Variants in COL24A1 observed in about 807,000 individuals in gnomAD.
COL24A1 encodes the protein collagen alpha-1(XXIV) chain.
Under a neutral mutation model 253.9 loss-of-function variants are expected in COL24A1, and 224 were observed. The ratio of observed to expected loss-of-function variants is 0.88; its 90% CI spans 0.79 to 0.99. The LOEUF is 0.99. Among genes scored for constraint, COL24A1 ranks in the 50% least tolerant of loss-of-function variants. The pLI, the probability that COL24A1 is intolerant of heterozygous loss-of-function variation, is 0.00. For missense variants in COL24A1, 2,131 were observed against 2,068.5 expected (o/e 1.03, Z -0.59); for synonymous variants, 685 against 673.7 (o/e 1.02, Z -0.26).
intron 10 of COL24A1, among the ~76,000 whole-genome samples, chr1:86,057,442 C>T (rs1166647217): frequency 3.3e-5 from 5 of 152,088 alleles, no homozygotes; most frequent in African/African-American, 4.8e-5. Context: ...ATTTTGCTTC[C>T]TTAGTGAATA....
At chr1:85,758,834 T>C (rs383558) in intron 55 of COL24A1, among the ~76,000 whole-genome samples, 135,359 of 152,076 alleles carry the variant, frequency 0.89, 61,022 homozygotes, top group Non-Finnish European at 0.97. Flanking sequence ...GAGGTAAAAT[T>C]TATATAACAT....
intron 51 of COL24A1, 55 bp from the exon 52 acceptor site, chr1:85,781,328 ACTC>A: frequency 6.7e-6 from 8 of 1,193,704 alleles, no homozygotes; most frequent in African/African-American, 1.5e-5. Flanking sequence ...AAAAAAAAAA[ACTC>A]CACAGAATCT....
At chr1:86,119,096 T>C (rs1451080365) in intron 3 of COL24A1, among the ~76,000 whole-genome samples, 1 of 152,100 alleles carries the variant, frequency 6.6e-6, no homozygotes, top group Admixed American at 6.6e-5. Context: ...GTAAAAGATG[T>C]CAGAGTGAGA....
intron 24 of COL24A1, among the ~76,000 whole-genome samples, chr1:85,943,029 T>C (rs1688898343): frequency 6.6e-6 from 1 of 152,206 alleles, no homozygotes; most frequent in Non-Finnish European, 1.5e-5. Context: ...GGAGAAGATC[T>C]GCCCTCAATG....
At chr1:86,154,319 T>G (rs961582398) in intron 1 of COL24A1, 4 of 152,248 alleles carry the variant, frequency 2.6e-5, no homozygotes, top group African/African-American at 9.7e-5. Context: ...TCTGATGTAA[T>G]TATGAATTAC....
chr1:85,760,361 G>A (rs779954667), intron 55 of COL24A1, among the ~76,000 whole-genome samples: 35 of 152,220 alleles, frequency 2.3e-4, no homozygotes, highest in Admixed American at 5.9e-4. Context: ...CATTCTTATT[G>A]ATGTCCACAC....
intron 19 of COL24A1, 114 bp from the exon 20 acceptor site, chr1:85,987,768 T>C: frequency 1.3e-6 from 1 of 791,536 alleles, no homozygotes; most frequent in Non-Finnish European, 2.0e-6. Flanking sequence ...TTTATAATCC[T>C]CAAAAATTCA....
At chr1:86,073,331 A>G (rs759470575) in intron 7 of COL24A1, among the ~76,000 whole-genome samples, 3 of 152,154 alleles carry the variant, frequency 2.0e-5, no homozygotes, top group Non-Finnish European at 4.4e-5. Context: ...TGAAGCATAG[A>G]CAGTATCAAG....
intron 12 of COL24A1, chr1:86,045,721 A>G (rs1255639790): frequency 1.2e-5 from 4 of 320,262 alleles, no homozygotes; most frequent in African/African-American, 8.7e-5. Flanking sequence ...ATTAGCTTCT[A>G]CGTTCAATGT....
intron 7 of COL24A1, among the ~76,000 whole-genome samples, chr1:86,075,158 G>C (rs1334848933): frequency 6.6e-6 from 1 of 151,956 alleles, no homozygotes; most frequent in Admixed American, 6.6e-5. Context: ...GACTAACAAA[G>C]AAGAAAAGAG....
At chr1:85,864,927 A>T (rs182588523) in intron 37 of COL24A1, among the ~76,000 whole-genome samples, 2 of 152,322 alleles carry the variant, frequency 1.3e-5, no homozygotes, top group Admixed American at 1.3e-4. Flanking sequence ...TAAGTCAGGC[A>T]GATGTTTCCT....
intron 24 of COL24A1, among the ~76,000 whole-genome samples, chr1:85,945,019 T>TTTTTTTTTTTTTTTTTTG (rs1553237048): frequency 2.7e-5 from 2 of 73,386 alleles, no homozygotes; most frequent in Admixed American, 2.1e-4. Flanking sequence ...TTTTTTTTTT[T>TTTTTTTTTTTTTTTTTTG]TTTTTTTTTT....
rs1333153354 is a variant in COL24A1 at position 86,146,149 on chromosome 1, C to T, written c.91G>A (p.Ala31Thr). 9.9e-6 allele frequency: 16 copies of T among 1,611,092 alleles called. No individual in the cohort carries two copies. The highest frequency in any genetic ancestry group is 1.3e-5 in the Non-Finnish European group (15 of 1,178,604). ...TCTTGTGCATGAACAACCACCCCAG[C>T]CACACATAGTACAATAAAATGAAGA... ...SLLHFIVLCVAGVVVHAQEQG... is the reference protein window; with the variant it reads ...SLLHFIVLCVTGVVVHAQEQG... The change falls in exon 2 of 60, where the codon GCT becomes ACT. Residue 31 changes from alanine (A) to threonine (T), a missense_variant. By Grantham distance (58) the Ala-to-Thr change is moderately conservative. Transcript: ENST00000370571.
chr1:85,799,958 C>G (rs1401751532), intron 47 of COL24A1, among the ~76,000 whole-genome samples: 2 of 152,174 alleles, frequency 1.3e-5, no homozygotes, highest in Non-Finnish European at 2.9e-5. Flanking sequence ...TTTAACATTA[C>G]TGTAATCCAT....
At chr1:86,099,422 T>C (rs181400624) in intron 5 of COL24A1, among the ~76,000 whole-genome samples, 48 of 152,296 alleles carry the variant, frequency 3.2e-4, no homozygotes, top group African/African-American at 9.9e-4. Context: ...ATGTAGTCCA[T>C]AGAGAAAATT....
chr1:85,823,294 C>T (rs1226200799), intron 45 of COL24A1, among the ~76,000 whole-genome samples: 3 of 152,068 alleles, frequency 2.0e-5, no homozygotes, highest in African/African-American at 7.2e-5. Flanking sequence ...AGGCAATTTT[C>T]ACAAAGCTAG....
At position 85,902,432 on chromosome 1, in the gene COL24A1, C is replaced by T. The variant is rs554127073; in HGVS notation, c.2778+4762G>A. Among the ~76,000 whole-genome samples the T allele has an allele frequency of 2.0e-5, 3 of 152,324 alleles. No homozygotes were observed. In the South Asian group the frequency reaches 6.2e-4, roughly 32 times the overall value. ...TCCCTAGAAATGTTTACCACTTTAG[C>T]TAGATTTTCTTTGTCCTGTCACTTT... On this transcript the variant is annotated intron_variant, in intron 28 of 59. Coordinates refer to ENST00000370571, the MANE Select transcript of COL24A1 (RefSeq NM_152890.7).
At chr1:85,924,253 T>C (rs1472670271) in intron 24 of COL24A1, among the ~76,000 whole-genome samples, 1 of 152,162 alleles carries the variant, frequency 6.6e-6, no homozygotes, top group East Asian at 1.9e-4. Context: ...AAAGAGGAGC[T>C]GATACCATTC....
intron 3 of COL24A1, among the ~76,000 whole-genome samples, chr1:86,118,931 C>T (rs963370016): frequency 2.6e-5 from 4 of 152,048 alleles, no homozygotes; most frequent in African/African-American, 4.8e-5. Context: ...GGGCAAGAGG[C>T]AGTTGCAGAG....
Sources: allele counts gnomAD v4.1 joint callset (sites outside exome capture counted in the v4.1 genomes callset), GRCh38; gene constraint gnomAD v4.1.1; transcripts MANE v1.5; gene names NCBI Gene and HGNC (gene_info 2026-07-23, HGNC 2026-07-21).